Variants in TTLL9 observed in about 807,000 individuals in gnomAD.
TTLL9 encodes probable tubulin polyglutamylase TTLL9.
Under a neutral mutation model 65.6 loss-of-function variants are expected in TTLL9, and 47 were observed. The ratio of observed to expected loss-of-function variants is 0.72; its 90% CI spans 0.57 to 0.91. TTLL9 has a LOEUF of 0.91. Among genes scored for constraint, TTLL9 ranks in the 40% least tolerant of loss-of-function variants. The probability of loss-of-function intolerance (pLI) is 0.00; values close to 1 mark genes in which losing one functional copy is unlikely to be tolerated. For synonymous variants in TTLL9, 179 were observed against 204.8 expected (o/e 0.87, Z 1.07); for missense variants, 537 against 568.8 (o/e 0.94, Z 0.57).
intron 10 of TTLL9, among the ~76,000 whole-genome samples, chr20:31,931,067 A>G (rs1404053815): frequency 7.1e-6 from 1 of 140,250 alleles, no homozygotes; most frequent in Non-Finnish European, 1.5e-5. Context: ...TTGCCCCAGC[A>G]TCCTCTTTTC....
At chr20:31,881,520 A>G (rs977604463) in intron 2 of TTLL9, among the ~76,000 whole-genome samples, 1 of 152,052 alleles carries the variant, frequency 6.6e-6, no homozygotes, top group African/African-American at 2.4e-5. Context: ...CTCTACCTCA[A>G]CTACCACTAT....
In TTLL9 at chr20:31,887,244, G is replaced by A; in HGVS notation, c.113+5G>A. ...ATTGTCAAAGGGAAAAGAGCGGTGA[G>A]TGGTCCCATCCAATCCAACAATCAC... is the stretch of plus-strand genomic sequence containing the variant. On this transcript the variant is annotated splice_donor_5th_base_variant and intron_variant, in intron 3 of 14. Transcript: ENST00000535842. 1.2e-6 allele frequency: 2 copies of A among 1,614,158 alleles called. No individual in the cohort carries two copies. The highest frequency in any genetic ancestry group is 1.7e-6 in the Non-Finnish European group (2 of 1,180,024).
At chr20:31,892,926 C>T (rs2063328062) in intron 3 of TTLL9, among the ~76,000 whole-genome samples, 1 of 152,040 alleles carries the variant, frequency 6.6e-6, no homozygotes, top group Admixed American at 6.6e-5. Context: ...TGTTATAAAC[C>T]CTTCATTACA....
At chr20:31,919,986 A>G in intron 7 of TTLL9, 54 bp downstream of exon 7, 6 of 1,443,110 alleles carry the variant, frequency 4.2e-6, no homozygotes, top group Non-Finnish European at 5.6e-6. Context: ...CCTTGCCAGC[A>G]GGAGGGGCCA....
At chr20:31,878,366 G>A (rs771675909) in intron 2 of TTLL9, among the ~76,000 whole-genome samples, 2 of 152,252 alleles carry the variant, frequency 1.3e-5, no homozygotes, top group Non-Finnish European at 2.9e-5. Flanking sequence ...GCTAGAAGAG[G>A]CAGGTACTCT....
intron 4 of TTLL9, among the ~76,000 whole-genome samples, chr20:31,902,715 A>G (rs369254756): frequency 2.6e-5 from 4 of 152,258 alleles, no homozygotes; most frequent in African/African-American, 9.6e-5. Context: ...GAGTGGAGTG[A>G]CTGGGTGATA....
At position 31,898,357 on chromosome 20, in the gene TTLL9, C is replaced by T. The variant is rs1015511208; in HGVS notation, c.114-116C>T. On this transcript the variant is annotated intron_variant, in intron 3 of 14. Transcript: ENST00000535842. Reference sequence around the variant, plus strand: ...TGCTCTAATGCTAAATTCTGAAATACAGTGTGGAACTTTCCAGGTATGGAA... The same window carrying T: ...TGCTCTAATGCTAAATTCTGAAATATAGTGTGGAACTTTCCAGGTATGGAA... 5.0e-5 allele frequency: 37 copies of T among 736,586 alleles called. No individual in the cohort carries two copies. In the African/African-American group the frequency reaches 6.4e-4, roughly 13 times the overall value. 45.6% of individuals were successfully genotyped at this position (736,586 alleles called of 1,614,324 possible).
intron 4 of TTLL9, among the ~76,000 whole-genome samples, chr20:31,902,981 A>G (rs947511704): frequency 6.6e-6 from 1 of 152,108 alleles, no homozygotes; most frequent in Non-Finnish European, 1.5e-5. Context: ...CACCCACCTC[A>G]GCCTCCTGAG....
chr20:31,902,230 G>A (rs1280791687), intron 4 of TTLL9, among the ~76,000 whole-genome samples: 1 of 151,960 alleles, frequency 6.6e-6, no homozygotes, highest in East Asian at 1.9e-4. Context: ...CCTCCCTCCA[G>A]CCTCTGTCTT....
At chr20:31,875,353 TG>T (rs1372468821) in intron 2 of TTLL9, among the ~76,000 whole-genome samples, 6 of 152,202 alleles carry the variant, frequency 3.9e-5, no homozygotes, top group Non-Finnish European at 7.3e-5. Flanking sequence ...ACTATTATCA[TG>T]GAACAGTTGA....
In TTLL9 at chr20:31,916,592, G is replaced by A. The variant is rs1363394582; in HGVS notation, c.505-3272G>A. 2.0e-5 allele frequency among the ~76,000 whole-genome samples: 3 copies of A among 152,178 alleles called. No individual in the cohort carries two copies. The East Asian group carries it at 5.8e-4, about 29-fold the overall frequency. On this transcript the variant is annotated intron_variant, in intron 6 of 14. Transcript: ENST00000535842. ...AGAAGGCTGAGGGTAGGCATATCCA[G>A]GTTTGGGGATGTGCTAGATGATGCC...
chr20:31,912,327 T>TG (rs2063667501), intron 6 of TTLL9, among the ~76,000 whole-genome samples: 1 of 152,060 alleles, frequency 6.6e-6, no homozygotes, highest in South Asian at 2.1e-4. Flanking sequence ...GGGTGGGGCC[T>TG]GGGAACCTGC....
intron 14 of TTLL9, 23 bp from the exon 15 acceptor site, chr20:31,942,922 C>T: frequency 6.2e-7 from 1 of 1,613,648 alleles, no homozygotes; most frequent in Non-Finnish European, 8.5e-7. Flanking sequence ...GTCATCCCAG[C>T]CAACACCCCA....
rs778419231 is a variant in TTLL9 at position 31,908,621 on chromosome 20, C to T, written c.237C>T (p.Asp79=). 8.2e-5 allele frequency: 132 copies of T among 1,613,946 alleles called. No homozygotes were observed. Among genetic ancestry groups the T allele is most frequent in the East Asian group, 3.8e-4 (17 of 44,870 alleles). The change falls in exon 5 of 15, where the codon GAC becomes GAT. Residue 79 remains aspartate, a synonymous_variant. Coordinates refer to ENST00000535842, the MANE Select transcript of TTLL9 (RefSeq NM_001008409.5). ...GGGAGTGGGATTTCTACTGGTGTGA[C>T]GTCAGCTGGCTCCGGGAGAACTTCG... ...DEGEWDFYWC[D]VSWLRENFDH...
intron 7 of TTLL9, among the ~76,000 whole-genome samples, chr20:31,922,509 G>T (rs2063829169): frequency 6.6e-6 from 1 of 152,084 alleles, no homozygotes; most frequent in Admixed American, 6.5e-5. Context: ...CTATGAACTT[G>T]ACTACTCCAG....
chr20:31,920,384 C>T (rs545806050), intron 7 of TTLL9, among the ~76,000 whole-genome samples: 3 of 152,194 alleles, frequency 2.0e-5, no homozygotes, highest in African/African-American at 7.2e-5. Flanking sequence ...GACTGAGCCT[C>T]GGGGGCAGCT....
At chr20:31,910,095 A>T (rs1406863970) in intron 6 of TTLL9, among the ~76,000 whole-genome samples, 173 bp downstream of exon 6, 7 of 152,218 alleles carry the variant, frequency 4.6e-5, no homozygotes, top group African/African-American at 1.7e-4. Flanking sequence ...TATGACTGCC[A>T]GCATACAGTA....
chr20:31,909,073 G>A (rs1284947611), intron 5 of TTLL9, among the ~76,000 whole-genome samples: 1 of 151,850 alleles, frequency 6.6e-6, no homozygotes, highest in Non-Finnish European at 1.5e-5. Context: ...ACTGGAGGAG[G>A]CAGTGGTGGG....
chr20:31,923,071 G>T lies in TTLL9; in HGVS notation c.664+18G>T. The T allele has an allele frequency of 1.3e-6, 2 of 1,577,784 alleles. No homozygotes were observed. Among genetic ancestry groups the T allele is most frequent in the African/African-American group, 1.3e-5 (1 of 74,252 alleles). On this transcript the variant is annotated intron_variant, in intron 8 of 14. Coordinates refer to ENST00000535842, the MANE Select transcript of TTLL9 (RefSeq NM_001008409.5). ...GATAGGAGGTGAGATGGCTGTGTCTGCTCCTGCTCTTCCATTGCATGGTCA... is the reference window on the plus strand; with the variant it reads ...GATAGGAGGTGAGATGGCTGTGTCTTCTCCTGCTCTTCCATTGCATGGTCA...
Sources: gnomAD v4.1 joint callset for allele counts (sites outside exome capture counted in the v4.1 genomes callset) on GRCh38, gnomAD v4.1.1 for gene constraint, MANE v1.5 for transcripts, NCBI Gene and HGNC (gene_info 2026-07-23, HGNC 2026-07-21) for gene names.